LRMDA: variants seen among roughly 807,000 people sequenced by gnomAD.
LRMDA encodes leucine rich melanocyte differentiation associated, also known as leucine-rich melanocyte differentiation-associated protein.
A neutral mutation model predicts 29.8 loss-of-function variants in LRMDA; 18 were observed. The ratio of observed to expected loss-of-function variants is 0.60; its 90% CI spans 0.42 to 0.90. LRMDA has a LOEUF of 0.90. Among genes scored for constraint, LRMDA ranks in the 40% least tolerant of loss-of-function variants. The pLI is 0.00. For missense variants in LRMDA, 273 were observed against 273.9 expected, an observed-to-expected ratio of 1.00 and a Z score of 0.02; for synonymous variants, 125 against 109.4, an observed-to-expected ratio of 1.14 and a Z score of -0.89.
chr10:76,372,601 C>G (rs570720578), intron 6 of LRMDA, among the ~76,000 whole-genome samples: 2 of 38,088 alleles, frequency 5.3e-5, no homozygotes, highest in South Asian at 9.8e-4. Flanking sequence ...GTGACAGAGA[C>G]AGACTTCATC....
chr10:76,464,646 A>G (rs10740458), intron 6 of LRMDA, among the ~76,000 whole-genome samples: 98,279 of 152,176 alleles, frequency 0.65, 34,433 homozygotes, highest in Non-Finnish European at 0.81. Context: ...GCAAAAAGCC[A>G]GAAGAATGGG....
At chr10:76,428,240 G>T (rs1395266863) in intron 6 of LRMDA, among the ~76,000 whole-genome samples, 5 of 152,136 alleles carry the variant, frequency 3.3e-5, no homozygotes, top group Non-Finnish European at 5.9e-5. Context: ...TTGAGAGAGA[G>T]AGAGCATATC....
chr10:76,212,494 A>G (rs1851654529), intron 5 of LRMDA, among the ~76,000 whole-genome samples: 1 of 152,150 alleles, frequency 6.6e-6, no homozygotes, highest in Non-Finnish European at 1.5e-5. Flanking sequence ...CATCTGCTGA[A>G]CAATAATTCA....
chr10:76,486,407 T>A (rs1387573573), intron 6 of LRMDA, among the ~76,000 whole-genome samples: 1 of 151,836 alleles, frequency 6.6e-6, no homozygotes, highest in Admixed American at 6.6e-5. Flanking sequence ...CTGCGGTGGT[T>A]TTTGTTTAGA....
At chr10:75,891,060 G>A (rs751334914) in intron 2 of LRMDA, among the ~76,000 whole-genome samples, 2 of 151,640 alleles carry the variant, frequency 1.3e-5, no homozygotes, top group Non-Finnish European at 1.5e-5. Flanking sequence ...AGCCAAGATC[G>A]CACCACCGCA....
At chr10:76,171,542 A>T (rs1302996089) in intron 5 of LRMDA, among the ~76,000 whole-genome samples, 1 of 152,188 alleles carries the variant, frequency 6.6e-6, no homozygotes, top group Non-Finnish European at 1.5e-5. Flanking sequence ...GCTCATTAGC[A>T]TGGCAAGCCC....
intron 1 of LRMDA, among the ~76,000 whole-genome samples, chr10:75,436,056 T>TAAAAA (rs201038266): frequency 3.1e-5 from 4 of 127,002 alleles, no homozygotes; most frequent in Non-Finnish European, 5.2e-5. Context: ...CCCATCTCTT[T>TAAAAA]AAAAAAAAAA....
At chr10:76,224,726 A>G (rs1190959488) in intron 5 of LRMDA, among the ~76,000 whole-genome samples, 1 of 118,596 alleles carries the variant, frequency 8.4e-6, no homozygotes, top group Non-Finnish European at 1.6e-5. Context: ...ATGTAACTTC[A>G]TTGTATCTAG....
intron 5 of LRMDA, among the ~76,000 whole-genome samples, chr10:76,302,109 C>G (rs1435974824): frequency 6.6e-6 from 1 of 152,052 alleles, no homozygotes; most frequent in Non-Finnish European, 1.5e-5. Flanking sequence ...TGAACTGGCT[C>G]TATTTTTTTT....
intron 6 of LRMDA, among the ~76,000 whole-genome samples, chr10:76,343,759 G>A (rs1481030627): frequency 6.6e-6 from 1 of 150,382 alleles, no homozygotes; most frequent in Admixed American, 6.6e-5. Flanking sequence ...TATGAGAAGA[G>A]ATTACAGGCA....
At chr10:75,667,220 A>AC (rs34383202) in intron 2 of LRMDA, among the ~76,000 whole-genome samples, 14,335 of 149,094 alleles carry the variant, frequency 0.096, 737 homozygotes, top group Non-Finnish European at 0.11. Flanking sequence ...TGATTTTATA[A>AC]CCCCCCCCCC....
chr10:75,909,485 C>A (rs986509395), intron 2 of LRMDA, among the ~76,000 whole-genome samples: 1 of 151,998 alleles, frequency 6.6e-6, no homozygotes, highest in African/African-American at 2.4e-5. Context: ...AGATTCAAGC[C>A]CAAAGATAGA....
At chr10:76,182,969 T>G (rs1851081688) in intron 5 of LRMDA, among the ~76,000 whole-genome samples, 1 of 152,162 alleles carries the variant, frequency 6.6e-6, no homozygotes. Flanking sequence ...GGCTCCACCT[T>G]CTTCCCAGTC....
At chr10:75,572,523 C>G (rs1422954621) in intron 2 of LRMDA, among the ~76,000 whole-genome samples, 1 of 152,186 alleles carries the variant, frequency 6.6e-6, no homozygotes, top group Non-Finnish European at 1.5e-5. Context: ...ATTGCTTCCT[C>G]TATTCACTCT....
chr10:75,533,444 G>GCATCAATC (rs1845502260), intron 2 of LRMDA, among the ~76,000 whole-genome samples: 2 of 152,314 alleles, frequency 1.3e-5, no homozygotes, highest in African/African-American at 4.8e-5. Flanking sequence ...AGCAGAGAAA[G>GCATCAATC]CATCAATCCT....
At chr10:75,560,827 G>T (rs1840283478) in intron 2 of LRMDA, among the ~76,000 whole-genome samples, 1 of 152,086 alleles carries the variant, frequency 6.6e-6, no homozygotes, top group South Asian at 2.1e-4. Context: ...TTTATATGCT[G>T]GATTACATTT....
chr10:75,823,920 A>G (rs1431574857), intron 2 of LRMDA, among the ~76,000 whole-genome samples: 1 of 152,160 alleles, frequency 6.6e-6, no homozygotes. Context: ...GGTCTCACTT[A>G]TAAGTGAGAG....
chr10:75,665,834 T>A (rs1210727196), intron 2 of LRMDA, among the ~76,000 whole-genome samples: 1 of 152,186 alleles, frequency 6.6e-6, no homozygotes, highest in Non-Finnish European at 1.5e-5. Flanking sequence ...TGCAAAAAAA[T>A]TTTTGCCTCT....
intron 6 of LRMDA, among the ~76,000 whole-genome samples, chr10:76,531,263 C>A (rs1843230894): frequency 6.6e-6 from 1 of 152,126 alleles, no homozygotes; most frequent in Admixed American, 6.6e-5. Context: ...TCGTTAGGAT[C>A]ATGCCACACA....
Sources: gnomAD v4.1 joint callset for allele counts (sites outside exome capture counted in the v4.1 genomes callset) on GRCh38, gnomAD v4.1.1 for gene constraint, MANE v1.5 for transcripts, NCBI Gene and HGNC (gene_info 2026-07-23, HGNC 2026-07-21) for gene names.